The following NRXN1 variants were observed in gnomAD, a reference collection of about 807,000 sequenced individuals.
NRXN1 encodes neurexin-1.
In NRXN1, 39 loss-of-function variants were observed where a neutral mutation model predicts 150.9. That is an observed-to-expected ratio of 0.26 (90% CI 0.20 to 0.34). NRXN1 has a LOEUF of 0.34. Among genes scored for constraint, NRXN1 ranks in the 10% least tolerant of loss-of-function variants. NRXN1 has a pLI of 1.00. For missense variants in NRXN1, 1,815 were observed against 1,949.9 expected (o/e 0.93, Z 1.30); for synonymous variants, 924 against 757.0 (o/e 1.22, Z -3.62).
chr2:50,588,951 T>G (rs1215979209), intron 8 of NRXN1: 1 of 152,182 alleles, frequency 6.6e-6, no homozygotes, highest in Non-Finnish European at 1.5e-5. Flanking sequence ...CCAATTGATT[T>G]CATAGCTCAG....
At chr2:50,829,302 G>A in intron 5 of NRXN1, 1 of 625,158 alleles carries the variant, frequency 1.6e-6, no homozygotes, top group South Asian at 2.0e-5. Context: ...GGGTAATTTT[G>A]TATTTTTAGT....
intron 17 of NRXN1, among the ~76,000 whole-genome samples, chr2:50,320,749 G>C (rs945801630): frequency 5.3e-5 from 8 of 152,104 alleles, no homozygotes; most frequent in Non-Finnish European, 7.4e-5. Context: ...GTGAGGTATG[G>C]AGGGGGCTGA....
At chr2:50,523,150 T>A (rs79530582) in intron 12 of NRXN1, among the ~76,000 whole-genome samples, 1 of 151,894 alleles carries the variant, frequency 6.6e-6, no homozygotes, top group Admixed American at 6.6e-5. Context: ...CAATTTTTTT[T>A]GATTTTTGCT....
Position 50,254,303 on chromosome 2 carries a change from C to CT in NRXN1, c.3365-17334dup, listed in dbSNP as rs3080643. Among the ~76,000 whole-genome samples, 1,320 of 149,498 alleles carry CT rather than the reference C, an allele frequency of 8.8e-3. 28 individuals carry two copies. The highest frequency in any genetic ancestry group is 0.024 in the African/African-American group (982 of 40,534). On this transcript the variant is annotated intron_variant, in intron 17 of 22. Transcript: ENST00000401669. ...TATTGTGTCAATTTGATTATTTTCTCTTTTTTTTTATTAGTCTAGCTATCA... is the reference window on the plus strand; with the variant it reads ...TATTGTGTCAATTTGATTATTTTCTCTTTTTTTTTTATTAGTCTAGCTATCA...
At chr2:50,548,797 A>G in intron 9 of NRXN1, among the ~76,000 whole-genome samples, 1 of 152,090 alleles carries the variant, frequency 6.6e-6, no homozygotes, top group Non-Finnish European at 1.5e-5. Flanking sequence ...AAAAATAACC[A>G]CTACTTAGAT....
At chr2:50,942,483 C>T (rs980340710) in intron 2 of NRXN1, among the ~76,000 whole-genome samples, 7 of 152,124 alleles carry the variant, frequency 4.6e-5, no homozygotes, top group African/African-American at 1.7e-4. Flanking sequence ...AGGATCCATA[C>T]CCTACAGAGC....
At chr2:50,974,838 G>A (rs537118707) in intron 2 of NRXN1, among the ~76,000 whole-genome samples, 6 of 151,986 alleles carry the variant, frequency 3.9e-5, no homozygotes, top group East Asian at 1.9e-4. Context: ...ACACTCCCAC[G>A]ACTCATAATT....
intron 8 of NRXN1, among the ~76,000 whole-genome samples, chr2:50,577,606 A>T (rs186339702): frequency 1.3e-5 from 2 of 152,256 alleles, no homozygotes; most frequent in South Asian, 2.1e-4. Context: ...CCAATAAAGG[A>T]GAATATACTC....
chr2:50,688,793 A>C (rs1004447246), intron 5 of NRXN1, among the ~76,000 whole-genome samples: 2 of 152,172 alleles, frequency 1.3e-5, no homozygotes, highest in African/African-American at 4.8e-5. Context: ...CCAGTAGAAG[A>C]ATACTGATTA....
chr2:49,957,429 A>G (rs1675174414), intron 21 of NRXN1, among the ~76,000 whole-genome samples: 1 of 152,160 alleles, frequency 6.6e-6, no homozygotes, highest in Non-Finnish European at 1.5e-5. Context: ...TCTCACCGCA[A>G]TATGGAAATT....
At chr2:50,227,632 A>G (rs1036864299) in intron 18 of NRXN1, among the ~76,000 whole-genome samples, 1 of 152,046 alleles carries the variant, frequency 6.6e-6, no homozygotes, top group African/African-American at 2.4e-5. Flanking sequence ...GAAACACCAC[A>G]ATTTTATTTT....
rs538878985 is a variant in NRXN1, at chr2:50,479,455, T to C, written c.3071-6984A>G. 3.3e-5 allele frequency among the ~76,000 whole-genome samples: 5 copies of C among 152,344 alleles called. No homozygotes were observed. The East Asian group carries it at 9.6e-4, about 29-fold the overall frequency. ...AAAAATTGAACCCCTTTTCTGAAAATGATTTTATCTTTTTCAGTTCTTTGT... is the reference window on the plus strand; with the variant it reads ...AAAAATTGAACCCCTTTTCTGAAAACGATTTTATCTTTTTCAGTTCTTTGT... On this transcript the variant is annotated intron_variant, in intron 15 of 22. Coordinates refer to ENST00000401669, the MANE Select transcript of NRXN1 (RefSeq NM_001330078.2).
chr2:50,969,340 A>G (rs1694642015), intron 2 of NRXN1, among the ~76,000 whole-genome samples: 1 of 152,158 alleles, frequency 6.6e-6, no homozygotes, highest in Non-Finnish European at 1.5e-5. Context: ...CAAAGAAGGC[A>G]CTCAAAAAAT....
intron 17 of NRXN1, among the ~76,000 whole-genome samples, chr2:50,388,893 G>A (rs1250266954): frequency 6.6e-6 from 1 of 152,066 alleles, no homozygotes; most frequent in African/African-American, 2.4e-5. Flanking sequence ...ACTTTGAGAT[G>A]TTTATAGTCT....
At chr2:50,614,733 CAAAAA>C (rs33968907) in intron 8 of NRXN1, among the ~76,000 whole-genome samples, 4 of 98,252 alleles carry the variant, frequency 4.1e-5, no homozygotes, top group Non-Finnish European at 5.7e-5. Context: ...ATCAGCCATT[CAAAAA>C]AAAAAAAAAA....
chr2:50,322,239 A>C (rs1054378348), intron 17 of NRXN1, among the ~76,000 whole-genome samples: 1 of 152,130 alleles, frequency 6.6e-6, no homozygotes, highest in Admixed American at 6.6e-5. Context: ...AGTTGCCTCA[A>C]AACAATCATT....
At chr2:50,213,111 G>A (rs529176952) in intron 18 of NRXN1, among the ~76,000 whole-genome samples, 2 of 151,982 alleles carry the variant, frequency 1.3e-5, no homozygotes, top group African/African-American at 4.8e-5. Context: ...CATTAGGAGG[G>A]TGCTGCACAT....
At chr2:50,446,956 T>C (rs2086467820) in intron 17 of NRXN1, among the ~76,000 whole-genome samples, 1 of 152,114 alleles carries the variant, frequency 6.6e-6, no homozygotes, top group African/African-American at 2.4e-5. Flanking sequence ...TGTATTATAA[T>C]ACCATGCAAT....
intron 17 of NRXN1, among the ~76,000 whole-genome samples, chr2:50,402,678 T>A (rs1488356127): frequency 6.6e-6 from 1 of 152,118 alleles, no homozygotes; most frequent in African/African-American, 2.4e-5. Context: ...GTCTATTTCT[T>A]TTTACATAGT....
Sources: gnomAD v4.1 joint callset for allele counts (sites outside exome capture counted in the v4.1 genomes callset) on GRCh38, gnomAD v4.1.1 for gene constraint, MANE v1.5 for transcripts, NCBI Gene and HGNC (gene_info 2026-07-23, HGNC 2026-07-21) for gene names.